Variants in NECTIN1 observed in about 807,000 individuals in gnomAD.
The protein encoded by NECTIN1 is nectin-1.
Under a neutral mutation model 48.0 loss-of-function variants are expected in NECTIN1, and 23 were observed. The observed-to-expected ratio is 0.48, with a 90% confidence interval of 0.34 to 0.68. The LOEUF (loss-of-function observed/expected upper bound fraction) is 0.68, where lower values mean the gene tolerates loss of function less well. Among genes scored for constraint, NECTIN1 ranks in the 30% least tolerant of loss-of-function variants. The pLI is 0.01. For synonymous variants in NECTIN1, 270 were observed against 288.9 expected (o/e 0.93, Z 0.66); for missense variants, 591 against 709.9 (o/e 0.83, Z 1.90).
chr11:119,647,736 C>T (rs1043206859), intron 5 of NECTIN1, among the ~76,000 whole-genome samples: 1 of 152,086 alleles, frequency 6.6e-6, no homozygotes, highest in Non-Finnish European at 1.5e-5. Context: ...AGCAGTGTGA[C>T]CTTAACTGTG....
intron 1 of NECTIN1, among the ~76,000 whole-genome samples, chr11:119,702,295 G>A (rs1291264245): frequency 6.6e-6 from 1 of 152,196 alleles, no homozygotes; most frequent in Non-Finnish European, 1.5e-5. Flanking sequence ...TTTTAATAGC[G>A]TATGGTCATG....
Position 119,664,459 on chromosome 11 carries a change from C to T in NECTIN1, c.*288G>A. 1 of 1,271,354 alleles carries T rather than the reference C, an allele frequency of 7.9e-7. No individual in the cohort carries two copies. The highest frequency in any genetic ancestry group is 1.0e-6 in the Non-Finnish European group (1 of 1,004,994). The allele number at this position is 1,271,354 out of a possible 1,614,324, so 78.8% of individuals were successfully genotyped here. ...GTACACAAGACGAGAACAGGGCTCC[C>T]TACACAGAGGGCAGGCAGGTGGGGC... On this transcript the variant is annotated 3_prime_UTR_variant, in exon 6 of 6. Transcript: ENST00000264025.
At chr11:119,692,088 G>A (rs917296017) in intron 1 of NECTIN1, among the ~76,000 whole-genome samples, 5 of 122,950 alleles carry the variant, frequency 4.1e-5, no homozygotes, top group Admixed American at 2.5e-4. Flanking sequence ...TCAGAGTTTC[G>A]AGAGTGGGGT....
downstream of NECTIN1, among the ~76,000 whole-genome samples, chr11:119,657,739 AAATAATAATAATAATAAT>A (rs57059976): frequency 2.3e-5 from 3 of 128,298 alleles, no homozygotes; most frequent in Admixed American, 2.4e-4. Context: ...TGTCTCTATA[AAATAATAATAATAATAAT>A]AATAATAATA....
Position 119,675,250 on chromosome 11 carries a change from TC to T in NECTIN1, c.911del (p.Gly304AspfsTer65). The T allele has an allele frequency of 6.2e-7, 1 of 1,614,024 alleles. No individual in the cohort carries two copies. The highest frequency in any genetic ancestry group is 8.5e-7 in the Non-Finnish European group (1 of 1,180,008). ...EAQNRTLFFK[G>X]PINYSLAGTY... Reference sequence around the variant, plus strand: ...TCCCTGCCAGGCTGTAGTTGATGGGTCCCTTGAAGAAGAGGGTTCTGTTCTG... The same window carrying T: ...TCCCTGCCAGGCTGTAGTTGATGGGTCCTTGAAGAAGAGGGTTCTGTTCTG... On this transcript the variant is annotated frameshift_variant, in exon 5 of 6. Coordinates refer to ENST00000264025, the MANE Select transcript of NECTIN1 (RefSeq NM_002855.5). LOFTEE classifies it high-confidence loss of function.
intron 5 of NECTIN1, chr11:119,674,453 C>T: frequency 6.3e-7 from 1 of 1,595,760 alleles, no homozygotes; most frequent in Non-Finnish European, 8.6e-7. Context: ...TGACTTACAT[C>T]ACGTAGAATT....
At chr11:119,657,547 A>G (rs1195121046), downstream of NECTIN1, among the ~76,000 whole-genome samples, 1 of 150,098 alleles carries the variant, frequency 6.7e-6, no homozygotes, top group Non-Finnish European at 1.5e-5. Context: ...CCAGAGAGTC[A>G]GAGGTTGCAG....
rs1397031837 is a variant in NECTIN1 at position 119,661,690 on chromosome 11, C to T, written c.*3057G>A. ...AGTGGGGGTTGGCTGGCAGAGGAAGCGCATGCCCAGGAAACAGGGCCCCTA... is the reference window on the plus strand; with the variant it reads ...AGTGGGGGTTGGCTGGCAGAGGAAGTGCATGCCCAGGAAACAGGGCCCCTA... On this transcript the variant is annotated 3_prime_UTR_variant, in exon 6 of 6. Transcript: ENST00000264025. 3.0e-6 allele frequency: 3 copies of T among 985,778 alleles called. No individual in the cohort carries two copies. Among genetic ancestry groups the T allele is most frequent in the African/African-American group, 3.5e-5 (2 of 57,226 alleles). 61.1% of individuals were successfully genotyped at this position (985,778 alleles called of 1,614,324 possible). A position where few individuals can be genotyped will look rare whatever the true frequency, so the allele number is the denominator to read the frequency against.
In NECTIN1 at chr11:119,684,982, G is replaced by A. The variant is rs1025484965; in HGVS notation, c.80-6217C>T. The stretch of plus-strand genomic sequence containing the variant: ...TCCCCTCTACACTCAGGATGGGGAG[G>A]AGGGCTCAGCAAGGAAGCAGAAGTA... On this transcript the variant is annotated intron_variant, in intron 1 of 5. Coordinates refer to ENST00000264025, the MANE Select transcript of NECTIN1 (RefSeq NM_002855.5). This position sits in a 1 kb window ranked among gnomAD's most constrained non-coding sequence, Gnocchi z 5.2. 1.3e-5 allele frequency among the ~76,000 whole-genome samples: 2 copies of A among 152,070 alleles called. No homozygotes were observed. Among genetic ancestry groups the A allele is most frequent in the African/African-American group, 4.8e-5 (2 of 41,404 alleles).
intron 5 of NECTIN1, among the ~76,000 whole-genome samples, chr11:119,648,319 G>C (rs1316772654): frequency 1.9e-4 from 15 of 79,210 alleles, no homozygotes; most frequent in South Asian, 4.6e-4. Context: ...GGTGGTGATG[G>C]TGATGGTGGT....
chr11:119,689,544 G>A (rs1171281897), intron 1 of NECTIN1, among the ~76,000 whole-genome samples: 2 of 152,194 alleles, frequency 1.3e-5, no homozygotes, highest in Admixed American at 6.5e-5. Context: ...ATCGGTTCAG[G>A]CTTCAGGGTG....
At position 119,727,955 on chromosome 11, in the gene NECTIN1, C is replaced by T. The variant is rs1296171437; in HGVS notation, c.79+520G>A. 2.0e-5 allele frequency among the ~76,000 whole-genome samples: 3 copies of T among 152,150 alleles called. No individual in the cohort carries two copies. Among genetic ancestry groups the T allele is most frequent in the African/African-American group, 7.2e-5 (3 of 41,444 alleles). On this transcript the variant is annotated intron_variant, in intron 1 of 5. Transcript: ENST00000264025. The surrounding 1 kb of genome is among the most constrained non-coding windows in gnomAD (Gnocchi z 4.1). Reference sequence around the variant, plus strand: ...CGCAGCAGCCGACTCTCCGCGCCCGCTGTGGGGCGGTGTGGGGCGGGAGGG... The same window carrying T: ...CGCAGCAGCCGACTCTCCGCGCCCGTTGTGGGGCGGTGTGGGGCGGGAGGG...
chr11:119,651,108 T>C (rs541511475), intron 5 of NECTIN1, among the ~76,000 whole-genome samples: 4 of 152,078 alleles, frequency 2.6e-5, no homozygotes, highest in Admixed American at 2.6e-4. Context: ...GGGCGTGGAA[T>C]AGGACACCCA....
At position 119,677,805 on chromosome 11, in the gene NECTIN1, C is replaced by G. The variant is rs775391587; in HGVS notation, c.483G>C (p.Lys161Asn). The G allele has an allele frequency of 6.8e-6, 11 of 1,614,158 alleles. No individual in the cohort carries two copies. In the South Asian group the frequency reaches 8.8e-5, roughly 13 times the overall value. Residue 161 changes from lysine to asparagine, a missense_variant, in exon 3 of 6, where the codon AAG becomes AAC. By Grantham distance (94) the Lys-to-Asn change is moderately conservative. Transcript: ENST00000264025. The surrounding 1 kb of genome is among the most constrained non-coding windows in gnomAD (Gnocchi z 5.4). ...CCACCAGGACCTTGTCATCCTGCCCCTTCTTGGCTCGAAGCACTGCCTGGG... is the reference window on the plus strand; with the variant it reads ...CCACCAGGACCTTGTCATCCTGCCCGTTCTTGGCTCGAAGCACTGCCTGGG... ...EGTQAVLRAK[K>N]GQDDKVLVAT...
chr11:119,640,361 T>C, intron 5 of NECTIN1: 1 of 331,590 alleles, frequency 3.0e-6, no homozygotes, highest in Non-Finnish European at 5.7e-6. Flanking sequence ...AAGATTCCTG[T>C]TGAGGAGTTT....
chr11:119,717,971 G>A (rs1865772986), intron 1 of NECTIN1, among the ~76,000 whole-genome samples: 1 of 152,254 alleles, frequency 6.6e-6, no homozygotes, highest in Non-Finnish European at 1.5e-5. Context: ...AGGCCGCGCG[G>A]TAATTCAAGC....
At chr11:119,691,751 T>A (rs1347965852) in intron 1 of NECTIN1, among the ~76,000 whole-genome samples, 1 of 152,162 alleles carries the variant, frequency 6.6e-6, no homozygotes, top group Non-Finnish European at 1.5e-5. Flanking sequence ...CCGGAGCACA[T>A]CCACCTCATT....
Position 119,664,773 on chromosome 11 carries a change from T to C in NECTIN1, c.1528A>G (p.Ile510Val). The C allele has an allele frequency of 6.2e-7, 1 of 1,612,378 alleles. No individual in the cohort carries two copies. Among genetic ancestry groups the C allele is most frequent in the South Asian group, 1.1e-5 (1 of 90,826 alleles). Reference protein sequence around the residue: ...NMVSQNDGSFISKKEWYV With the variant: ...NMVSQNDGSFVSKKEWYV Reference sequence around the variant, plus strand: ...TACACGTACCACTCCTTCTTGGAAATGAAAGACCCGTCGTTCTGAGAAACC... The same window carrying C: ...TACACGTACCACTCCTTCTTGGAAACGAAAGACCCGTCGTTCTGAGAAACC... The change falls in exon 6 of 6, where the codon ATT (isoleucine) becomes GTT (valine). Residue 510 changes from isoleucine to valine, a missense_variant. Transcript: ENST00000264025.
intron 1 of NECTIN1, among the ~76,000 whole-genome samples, chr11:119,692,155 C>G (rs2135563153): frequency 6.6e-6 from 1 of 152,300 alleles, no homozygotes; most frequent in East Asian, 1.9e-4. Context: ...CTATCAGGAG[C>G]CTCGCCCAGC....
Sources: allele counts gnomAD v4.1 joint callset (sites outside exome capture counted in the v4.1 genomes callset), GRCh38; gene constraint gnomAD v4.1.1; non-coding constraint Gnocchi (gnomAD v3.1); transcripts MANE v1.5; gene names NCBI Gene and HGNC (gene_info 2026-07-23, HGNC 2026-07-21).